Variants in TENM4 observed in about 807,000 individuals in gnomAD.
The protein encoded by TENM4 is teneurin transmembrane protein 4.
A neutral mutation model predicts 243.3 loss-of-function variants in TENM4; 82 were observed. That is an observed-to-expected ratio of 0.34 (90% CI 0.28 to 0.40). TENM4 has a LOEUF of 0.40. Ranked by LOEUF, TENM4 falls within the 10% of genes least tolerant of loss-of-function variation. TENM4 has a pLI of 1.00. For missense variants in TENM4, 3,138 were observed against 3,673.3 expected (o/e 0.85, Z 3.77); for synonymous variants, 1,412 against 1,456.3 (o/e 0.97, Z 0.69).
chr11:78,940,171 T>C (rs1375930172), intron 6 of TENM4, among the ~76,000 whole-genome samples: 1 of 152,240 alleles, frequency 6.6e-6, no homozygotes, highest in East Asian at 1.9e-4. Context: ...AGGTTCATAC[T>C]GTATATACAG....
intron 1 of TENM4, among the ~76,000 whole-genome samples, chr11:79,316,068 A>C (rs559268406): frequency 2.0e-5 from 3 of 152,308 alleles, no homozygotes; most frequent in East Asian, 1.9e-4. Context: ...TTGCATTTTC[A>C]ACAATGTCTG....
chr11:78,906,784 A>C (rs187771763), intron 6 of TENM4, among the ~76,000 whole-genome samples: 3 of 152,210 alleles, frequency 2.0e-5, no homozygotes, highest in African/African-American at 7.2e-5. Context: ...TGATGTCCAC[A>C]TGTTGCCTCC....
At chr11:79,329,381 A>G (rs1435991321) in intron 1 of TENM4, among the ~76,000 whole-genome samples, 1 of 152,190 alleles carries the variant, frequency 6.6e-6, no homozygotes, top group Non-Finnish European at 1.5e-5. Context: ...TTCATCAAAT[A>G]TTTGCTAGGC....
intron 10 of TENM4, among the ~76,000 whole-genome samples, chr11:78,859,244 T>C (rs1480735495): frequency 6.6e-6 from 1 of 152,004 alleles, no homozygotes; most frequent in African/African-American, 2.4e-5. Context: ...TACAAACAGG[T>C]CCAAAAGTTA....
intron 4 of TENM4, among the ~76,000 whole-genome samples, chr11:79,113,818 GAGA>G (rs1415251861): frequency 6.6e-6 from 1 of 152,148 alleles, no homozygotes; most frequent in African/African-American, 2.4e-5. Context: ...TATAGGAGTG[GAGA>G]AGGACAGGCC....
intron 2 of TENM4, among the ~76,000 whole-genome samples, chr11:79,285,154 C>T (rs778389070): frequency 4.6e-5 from 7 of 152,030 alleles, no homozygotes; most frequent in Admixed American, 6.6e-5. Flanking sequence ...AGGAGAATTG[C>T]TTTAACCTGG....
intron 6 of TENM4, among the ~76,000 whole-genome samples, chr11:78,998,198 T>C (rs975861365): frequency 2.0e-5 from 3 of 152,186 alleles, no homozygotes; most frequent in Non-Finnish European, 4.4e-5. Context: ...CCAGGCTTCA[T>C]GGTACAGTAG....
intron 5 of TENM4, among the ~76,000 whole-genome samples, chr11:79,065,968 A>G (rs907522613): frequency 6.6e-6 from 1 of 152,236 alleles, no homozygotes; most frequent in African/African-American, 2.4e-5. Flanking sequence ...GGGAGTATAC[A>G]AAGTCAGTAA....
chr11:79,320,585 C>T (rs1039981657), intron 1 of TENM4, among the ~76,000 whole-genome samples: 23 of 152,198 alleles, frequency 1.5e-4, no homozygotes, highest in African/African-American at 5.5e-4. Flanking sequence ...CAATGTTACA[C>T]TGCCAGTAAA....
intron 15 of TENM4, among the ~76,000 whole-genome samples, chr11:78,796,415 A>C (rs150995848): frequency 6.6e-6 from 1 of 152,144 alleles, no homozygotes; most frequent in Non-Finnish European, 1.5e-5. Flanking sequence ...AAAGGGCCCA[A>C]CTGGGTGAAA....
intron 6 of TENM4, among the ~76,000 whole-genome samples, chr11:78,907,029 G>A (rs774313226): frequency 6.6e-6 from 1 of 152,122 alleles, no homozygotes; most frequent in Non-Finnish European, 1.5e-5. Flanking sequence ...TTTGCCTGGA[G>A]CCAGAGTTGC....
intron 2 of TENM4, among the ~76,000 whole-genome samples, chr11:79,239,182 G>A (rs996736793): frequency 6.6e-6 from 1 of 152,174 alleles, no homozygotes; most frequent in African/African-American, 2.4e-5. Context: ...TGTTTCCTCT[G>A]CACCTCCACA....
At chr11:79,278,833 C>T (rs1022396086) in intron 2 of TENM4, among the ~76,000 whole-genome samples, 2 of 152,108 alleles carry the variant, frequency 1.3e-5, no homozygotes, top group South Asian at 2.1e-4. Context: ...GACACTGTCA[C>T]TATCAGGAAA....
intron 6 of TENM4, among the ~76,000 whole-genome samples, chr11:79,034,454 T>C (rs184928872): frequency 6.6e-6 from 1 of 152,350 alleles, no homozygotes; most frequent in African/African-American, 2.4e-5. Flanking sequence ...AGGCACACGC[T>C]GGAGATCCTG....
At chr11:78,687,047 C>G (rs7104974) in intron 29 of TENM4, among the ~76,000 whole-genome samples, 1,872 of 152,262 alleles carry the variant, frequency 0.012, 32 homozygotes, top group African/African-American at 0.043. Context: ...CTAAAGAGAT[C>G]GACTGAGCAG....
chr11:79,366,954 C>T (rs974908706), intron 1 of TENM4, among the ~76,000 whole-genome samples: 1 of 152,168 alleles, frequency 6.6e-6, no homozygotes, highest in African/African-American at 2.4e-5. Flanking sequence ...CCATTTGAGA[C>T]TTATCAATAT....
At chr11:78,989,484 T>C (rs1191738722) in intron 6 of TENM4, among the ~76,000 whole-genome samples, 2 of 152,244 alleles carry the variant, frequency 1.3e-5, no homozygotes, top group South Asian at 2.1e-4. Context: ...TTCTACTGCT[T>C]TCATTTCAGT....
intron 4 of TENM4, among the ~76,000 whole-genome samples, chr11:79,142,465 T>A (rs1862304545): frequency 6.6e-6 from 1 of 151,978 alleles, no homozygotes; most frequent in Non-Finnish European, 1.5e-5. Flanking sequence ...CTGTAAAACA[T>A]TGACAAGAAA....
intron 23 of TENM4, 44 bp from the exon 24 acceptor site, chr11:78,722,961 G>A (rs577468779): frequency 2.5e-6 from 4 of 1,600,380 alleles, no homozygotes; most frequent in Admixed American, 1.7e-5. Flanking sequence ...GCAGGAAATG[G>A]GTATCTTTTC....
Sources: allele counts gnomAD v4.1 joint callset (sites outside exome capture counted in the v4.1 genomes callset), GRCh38; gene constraint gnomAD v4.1.1; transcripts MANE v1.5; gene names NCBI Gene and HGNC (gene_info 2026-07-23, HGNC 2026-07-21).